RNGTT: variants seen among roughly 807,000 people sequenced by gnomAD.
The protein encoded by RNGTT is RNA guanylyltransferase and 5'-phosphatase, also known as mRNA-capping enzyme.
RNGTT carries 33 observed loss-of-function variants against 79.3 expected under a neutral mutation model. That is an observed-to-expected ratio of 0.42 (90% confidence interval 0.32 to 0.56). RNGTT has a LOEUF of 0.56. Among genes scored for constraint, RNGTT ranks in the 20% least tolerant of loss-of-function variants. The probability of loss-of-function intolerance (pLI) is 0.17; values close to 1 mark genes in which losing one functional copy is unlikely to be tolerated. For missense variants in RNGTT, 497 were observed against 739.1 expected (o/e 0.67, Z 3.80); for synonymous variants, 222 against 235.9 (o/e 0.94, Z 0.54).
At chr6:88,724,042 T>C (rs927200545) in intron 13 of RNGTT, among the ~76,000 whole-genome samples, 1 of 152,188 alleles carries the variant, frequency 6.6e-6, no homozygotes, top group Non-Finnish European at 1.5e-5. Flanking sequence ...GGTTTTAACC[T>C]AACTCTTTTT....
intron 12 of RNGTT, among the ~76,000 whole-genome samples, chr6:88,770,364 C>T (rs917924082): frequency 6.6e-6 from 1 of 152,144 alleles, no homozygotes; most frequent in Non-Finnish European, 1.5e-5. Context: ...CTGCTTTCTA[C>T]GACTACAGTT....
chr6:88,792,776 G>A (rs1779466433), intron 12 of RNGTT, among the ~76,000 whole-genome samples: 1 of 152,138 alleles, frequency 6.6e-6, no homozygotes, highest in Non-Finnish European at 1.5e-5. Flanking sequence ...GCCTTTGCAG[G>A]AGAATCGGAG....
intron 8 of RNGTT, among the ~76,000 whole-genome samples, chr6:88,884,937 G>A (rs1425717404): frequency 1.3e-5 from 2 of 151,942 alleles, no homozygotes; most frequent in African/African-American, 4.8e-5. Flanking sequence ...AAAACCAAGT[G>A]TCTCCCTATC....
At chr6:88,843,716 A>G (rs368568455) in intron 11 of RNGTT, among the ~76,000 whole-genome samples, 1 of 150,708 alleles carries the variant, frequency 6.6e-6, no homozygotes, top group Admixed American at 6.6e-5. Context: ...GCGCCGCCAC[A>G]CCCGGCTAAT....
intron 11 of RNGTT, among the ~76,000 whole-genome samples, chr6:88,813,436 GAGAC>G (rs1459674206): frequency 2.0e-5 from 3 of 152,174 alleles, no homozygotes; most frequent in Admixed American, 6.5e-5. Flanking sequence ...TCAGCACAGA[GAGAC>G]AGATTTGAGC....
rs1409164410 is a variant in RNGTT at position 88,931,165 on chromosome 6, T to G, written c.175-1898A>C. Among the ~76,000 whole-genome samples the G allele has an allele frequency of 2.8e-5, 4 of 143,014 alleles. No individual in the cohort carries two copies. In the Admixed American group the frequency reaches 2.9e-4, roughly 10 times the overall value. The allele number at this position is 143,014 out of a possible 152,430, so 93.8% of individuals were successfully genotyped here. A position where few individuals can be genotyped will look rare whatever the true frequency, so the allele number is the denominator to read the frequency against. On this transcript the variant is annotated intron_variant, in intron 2 of 15. Coordinates refer to ENST00000369485, the MANE Select transcript of RNGTT (RefSeq NM_003800.5). ...GAGGGATGCTCAACCTGTACATACT[T>G]TAATGGAATACTATAAAGCTGTAAA... is the stretch of plus-strand genomic sequence containing the variant.
intron 14 of RNGTT, among the ~76,000 whole-genome samples, chr6:88,629,147 CAAG>C (rs1772749508): frequency 6.6e-6 from 1 of 152,100 alleles, no homozygotes; most frequent in South Asian, 2.1e-4. Context: ...AAGGTGTGGA[CAAG>C]AAGACGAAGA....
intron 12 of RNGTT, among the ~76,000 whole-genome samples, chr6:88,800,549 G>C (rs1779751125): frequency 6.6e-6 from 1 of 152,312 alleles, no homozygotes; most frequent in East Asian, 1.9e-4. Flanking sequence ...AGCAGCATAT[G>C]ATGAGGTGGT....
intron 14 of RNGTT, among the ~76,000 whole-genome samples, chr6:88,651,110 TAA>T (rs555706218): frequency 6.7e-6 from 1 of 148,508 alleles, no homozygotes; most frequent in Non-Finnish European, 1.5e-5. Context: ...CTTTTTATGT[TAA>T]AAAAAAAACA....
chr6:88,678,236 G>T, intron 14 of RNGTT, 117 bp downstream of exon 14: 1 of 1,415,058 alleles, frequency 7.1e-7, no homozygotes, highest in Admixed American at 2.4e-5. Context: ...ACCTGTCTTA[G>T]CCTCCCAAAG....
intron 13 of RNGTT, among the ~76,000 whole-genome samples, chr6:88,751,837 G>A (rs1777850811): frequency 6.6e-6 from 1 of 151,982 alleles, no homozygotes; most frequent in Non-Finnish European, 1.5e-5. Context: ...TAGATAATAG[G>A]TGCCAATATA....
At chr6:88,929,841 T>C (rs528756839) in intron 2 of RNGTT, among the ~76,000 whole-genome samples, 14 of 150,388 alleles carry the variant, frequency 9.3e-5, no homozygotes, top group African/African-American at 2.9e-4. Context: ...CATATACATA[T>C]ACACACATAT....
intron 8 of RNGTT, among the ~76,000 whole-genome samples, chr6:88,860,044 C>T (rs1376683753): frequency 6.6e-6 from 1 of 152,154 alleles, no homozygotes; most frequent in South Asian, 2.1e-4. Flanking sequence ...ATAATGTATA[C>T]CCCAACAGAA....
intron 11 of RNGTT, among the ~76,000 whole-genome samples, chr6:88,810,522 G>C (rs1780103113): frequency 6.6e-6 from 1 of 152,142 alleles, no homozygotes; most frequent in African/African-American, 2.4e-5. Flanking sequence ...GAGTCTGTCA[G>C]GCACAGTCTC....
intron 14 of RNGTT, among the ~76,000 whole-genome samples, chr6:88,675,806 T>A (rs1315379914): frequency 6.6e-6 from 1 of 151,254 alleles, no homozygotes; most frequent in African/African-American, 2.4e-5. Flanking sequence ...TAAAAAAAAA[T>A]TTAAAAGAAA....
chr6:88,818,579 G>GA (rs1372626299), intron 11 of RNGTT, among the ~76,000 whole-genome samples: 3 of 151,720 alleles, frequency 2.0e-5, no homozygotes, highest in Non-Finnish European at 4.4e-5. Flanking sequence ...CCGACTCATA[G>GA]AAAAAAAGAA....
At chr6:88,813,293 T>A (rs1437794979) in intron 11 of RNGTT, among the ~76,000 whole-genome samples, 3 of 152,038 alleles carry the variant, frequency 2.0e-5, no homozygotes, top group Non-Finnish European at 2.9e-5. Flanking sequence ...GCACATGAGA[T>A]CCATGAGGTA....
intron 13 of RNGTT, among the ~76,000 whole-genome samples, chr6:88,728,967 T>C (rs768547853): frequency 3.9e-5 from 6 of 152,202 alleles, no homozygotes; most frequent in South Asian, 4.1e-4. Flanking sequence ...GAGGCCCAGA[T>C]TGTCCCCTTT....
intron 8 of RNGTT, among the ~76,000 whole-genome samples, chr6:88,861,280 T>C (rs1782004946): frequency 1.3e-5 from 2 of 152,136 alleles, no homozygotes; most frequent in African/African-American, 4.8e-5. Context: ...CCAGACAGAA[T>C]ATATAAACCT....
Sources: allele counts gnomAD v4.1 joint callset (sites outside exome capture counted in the v4.1 genomes callset), GRCh38; gene constraint gnomAD v4.1.1; transcripts MANE v1.5; gene names NCBI Gene and HGNC (gene_info 2026-07-23, HGNC 2026-07-21).